UBE4B: variants seen among roughly 807,000 people sequenced by gnomAD.
UBE4B encodes the protein ubiquitination factor E4B.
Under a neutral mutation model 148.1 loss-of-function variants are expected in UBE4B, and 27 were observed. That is an observed-to-expected ratio of 0.18 (90% CI 0.13 to 0.25). The LOEUF (loss-of-function observed/expected upper bound fraction) is 0.25. Ranked by LOEUF, UBE4B falls within the 10% of genes least tolerant of loss-of-function variation. The pLI is 1.00. For missense variants in UBE4B, 1,170 were observed against 1,662.4 expected (o/e 0.70, Z 5.15); for synonymous variants, 596 against 619.3 (o/e 0.96, Z 0.56).
At chr1:10,054,597 C>T in intron 1 of UBE4B, 2 of 257,454 alleles carry the variant, frequency 7.8e-6, no homozygotes, top group South Asian at 4.8e-5. Context: ...GCCTTTAGAG[C>T]GCTTAATGTG....
chr1:10,069,055 C>CT, intron 1 of UBE4B, among the ~76,000 whole-genome samples: 1 of 152,298 alleles, frequency 6.6e-6, no homozygotes, highest in East Asian at 1.9e-4. Context: ...ATTCTTCAAC[C>CT]TTTTTTGAAA....
At chr1:10,037,192 T>A (rs529617786) in intron 1 of UBE4B, among the ~76,000 whole-genome samples, 43 of 152,252 alleles carry the variant, frequency 2.8e-4, no homozygotes, top group African/African-American at 8.7e-4. Context: ...CATACCCGGC[T>A]AATTTTGTAT....
chr1:10,136,597 ATTGT>A (rs1229031495), intron 16 of UBE4B, among the ~76,000 whole-genome samples: 1 of 152,006 alleles, frequency 6.6e-6, no homozygotes, highest in Non-Finnish European at 1.5e-5. Context: ...TTCTTGTAGT[ATTGT>A]TTAAGTTTAT....
At chr1:10,035,198 C>G (rs1327710616) in intron 1 of UBE4B, among the ~76,000 whole-genome samples, 4 of 150,806 alleles carry the variant, frequency 2.7e-5, no homozygotes, top group African/African-American at 9.8e-5. Context: ...GGGGTTTCAC[C>G]ATGTTGGCCA....
At chr1:10,033,766 C>G (rs947964981) in intron 1 of UBE4B, 72 bp downstream of exon 1, 24 of 1,426,692 alleles carry the variant, frequency 1.7e-5, no homozygotes, top group Non-Finnish European at 2.1e-5. Context: ...GATGGTATTG[C>G]GCCAGTGCTG....
chr1:10,101,095 T>C lies in UBE4B; in HGVS notation c.348-13T>C. The C allele has an allele frequency of 6.2e-7, 1 of 1,613,400 alleles. No individual in the cohort carries two copies. Among genetic ancestry groups the C allele is most frequent in the Non-Finnish European group, 8.5e-7 (1 of 1,179,358 alleles). ...TAAAAGGTAAAAGGCTTGTTTGTCTTTTGTACTTTAAGCATGTCCCAGGTG... is the reference window on the plus strand; with the variant it reads ...TAAAAGGTAAAAGGCTTGTTTGTCTCTTGTACTTTAAGCATGTCCCAGGTG... On this transcript the variant is annotated splice_polypyrimidine_tract_variant and intron_variant, in intron 3 of 27. Transcript: ENST00000343090.
At chr1:10,174,086 G>T (rs1311547287) in intron 25 of UBE4B, among the ~76,000 whole-genome samples, 1 of 152,190 alleles carries the variant, frequency 6.6e-6, no homozygotes, top group Non-Finnish European at 1.5e-5. Flanking sequence ...GACACATGGA[G>T]AGAAAAGCAT....
intron 9 of UBE4B, 70 bp from the exon 10 acceptor site, chr1:10,121,892 G>A (rs1261470885): frequency 3.1e-6 from 3 of 978,130 alleles, no homozygotes; most frequent in African/African-American, 3.3e-5. Flanking sequence ...AGTTGTTGCT[G>A]ACATGACATT....
intron 7 of UBE4B, among the ~76,000 whole-genome samples, chr1:10,111,913 C>T (rs1339060837): frequency 1.3e-5 from 2 of 151,172 alleles, no homozygotes; most frequent in Non-Finnish European, 2.9e-5. Flanking sequence ...GCCAAGATCA[C>T]ACCACTGCAC....
chr1:10,105,781 A>G (rs985931230), intron 6 of UBE4B, 37 bp downstream of exon 6: 3 of 1,588,824 alleles, frequency 1.9e-6, no homozygotes, highest in Non-Finnish European at 2.6e-6. Context: ...TACTGGTAGT[A>G]AAATAACTGT....
At chr1:10,128,591 AT>A (rs1645540706) in intron 11 of UBE4B, 1 of 152,182 alleles carries the variant, frequency 6.6e-6, no homozygotes, top group Non-Finnish European at 1.5e-5. Flanking sequence ...TTCCCATGTG[AT>A]CCTAATATGC....
chr1:10,083,433 A>G (rs1455239410), intron 2 of UBE4B, among the ~76,000 whole-genome samples: 1 of 152,198 alleles, frequency 6.6e-6, no homozygotes, highest in East Asian at 1.9e-4. Flanking sequence ...GCTTATTAGT[A>G]CATCTGTAGG....
At chr1:10,046,414 G>T (rs556158775) in intron 1 of UBE4B, among the ~76,000 whole-genome samples, 1 of 152,254 alleles carries the variant, frequency 6.6e-6, no homozygotes, top group Admixed American at 6.5e-5. Context: ...GTTATCAGGG[G>T]CTCTGCTGTC....
intron 2 of UBE4B, among the ~76,000 whole-genome samples, chr1:10,075,710 A>G (rs1326323675): frequency 6.6e-6 from 1 of 152,220 alleles, no homozygotes; most frequent in Non-Finnish European, 1.5e-5. Flanking sequence ...GATTTCCTAA[A>G]TAAGTGAAAA....
At chr1:10,118,868 CTTTTTTTTTT>C (rs35822677) in intron 8 of UBE4B, among the ~76,000 whole-genome samples, 15 of 23,088 alleles carry the variant, frequency 6.5e-4, no homozygotes, top group East Asian at 2.6e-3. Flanking sequence ...CCAGGCTGGT[CTTTTTTTTTT>C]TTTTTTTTTT....
At chr1:10,109,401 C>T (rs1236164377) in intron 7 of UBE4B, among the ~76,000 whole-genome samples, 1 of 152,146 alleles carries the variant, frequency 6.6e-6, no homozygotes, top group African/African-American at 2.4e-5. Flanking sequence ...TACTCGGTTC[C>T]TTTGGCAGGG....
chr1:10,174,392 CAAAA>C (rs796969203), intron 25 of UBE4B, among the ~76,000 whole-genome samples: 1 of 109,954 alleles, frequency 9.1e-6, no homozygotes, highest in Non-Finnish European at 1.9e-5. Context: ...GACTCCATAT[CAAAA>C]AAAAAAAAAA....
At chr1:10,169,156 T>C (rs1052631808) in intron 24 of UBE4B, among the ~76,000 whole-genome samples, 1 of 152,194 alleles carries the variant, frequency 6.6e-6, no homozygotes, top group African/African-American at 2.4e-5. Context: ...TGAAGATTTC[T>C]GCCCTGCTTC....
At chr1:10,128,857 G>A (rs1454396304) in intron 11 of UBE4B, 7 of 152,550 alleles carry the variant, frequency 4.6e-5, no homozygotes, top group African/African-American at 1.4e-4. Flanking sequence ...CTAATGTTAG[G>A]ATGGTTGGAT....
Sources: gnomAD v4.1 joint callset for allele counts (sites outside exome capture counted in the v4.1 genomes callset) on GRCh38, gnomAD v4.1.1 for gene constraint, MANE v1.5 for transcripts, NCBI Gene and HGNC (gene_info 2026-07-23, HGNC 2026-07-21) for gene names.